Variants in INTS6 observed in about 807,000 individuals in gnomAD.
The protein encoded by INTS6 is DEAD box protein.
INTS6 carries 16 observed loss-of-function variants against 104.9 expected under a neutral mutation model. The ratio of observed to expected loss-of-function variants is 0.15; its 90% CI spans 0.10 to 0.23. The LOEUF is 0.23. INTS6 is among the 10% of genes least tolerant of loss of function. The pLI, the probability that INTS6 is intolerant of heterozygous loss-of-function variation, is 1.00. For missense variants in INTS6, 584 were observed against 1,062.8 expected (o/e 0.55, Z 6.26); for synonymous variants, 324 against 358.7 (o/e 0.90, Z 1.09).
At chr13:51,384,405 A>G (rs184336884) in intron 7 of INTS6, 2 of 284,992 alleles carry the variant, frequency 7.0e-6, no homozygotes, top group Admixed American at 9.4e-5. Flanking sequence ...AAATCTCACA[A>G]ATTGTGAACA....
At chr13:51,356,182 A>T (rs1392706547) in intron 3 of INTS6, among the ~76,000 whole-genome samples, 1 of 152,162 alleles carries the variant, frequency 6.6e-6, no homozygotes, top group Non-Finnish European at 1.5e-5. Context: ...ACGCAAAGAG[A>T]TAGCAAAGCA....
chr13:51,342,123 A>G, the INTS6 span, among the ~76,000 whole-genome samples: 1 of 147,502 alleles, frequency 6.8e-6, no homozygotes, highest in South Asian at 2.2e-4. Flanking sequence ...AGATACTCAC[A>G]CACATTAACA....
At chr13:51,341,271 C>A in the INTS6 span, 2 of 1,613,962 alleles carry the variant, frequency 1.2e-6, no homozygotes, top group Non-Finnish European at 8.5e-7. Flanking sequence ...TGTCCCTCCC[C>A]CTGGAGATCC....
chr13:51,390,532 A>G (rs1956227640), intron 5 of INTS6, among the ~76,000 whole-genome samples: 2 of 152,042 alleles, frequency 1.3e-5, no homozygotes, highest in South Asian at 4.1e-4. Flanking sequence ...ATCTTTGGCC[A>G]AATATTTTGC....
the INTS6 span, chr13:51,340,891 G>T: frequency 1.7e-6 from 1 of 604,368 alleles, no homozygotes; most frequent in Non-Finnish European, 2.9e-6. Context: ...AAACAAGAGG[G>T]TGCAGCTCTG....
downstream of INTS6, among the ~76,000 whole-genome samples, chr13:51,361,060 AT>A (rs1221851595): frequency 6.6e-6 from 1 of 152,054 alleles, no homozygotes; most frequent in Non-Finnish European, 1.5e-5. Flanking sequence ...TATATAACAA[AT>A]TAAAGTTTGG....
intron 2 of INTS6, 55 bp from the exon 3 acceptor site, chr13:51,451,229 G>C (rs1211706299): frequency 7.1e-6 from 10 of 1,403,784 alleles, no homozygotes; most frequent in Middle Eastern, 2.1e-4. Flanking sequence ...CATGTACACA[G>C]AGCCGTTATA....
At chr13:51,371,711 G>A (rs1159644381) in intron 15 of INTS6, among the ~76,000 whole-genome samples, 2 of 151,956 alleles carry the variant, frequency 1.3e-5, no homozygotes, top group African/African-American at 4.8e-5. Flanking sequence ...CTCTCCCACA[G>A]AGATTGTTAA....
intron 4 of INTS6, among the ~76,000 whole-genome samples, chr13:51,410,416 A>G (rs1956662841): frequency 6.6e-6 from 1 of 152,222 alleles, no homozygotes; most frequent in Non-Finnish European, 1.5e-5. Flanking sequence ...AAACAGCCAC[A>G]CAAAAACATG....
At chr13:51,422,252 T>C (rs1262685682) in intron 4 of INTS6, among the ~76,000 whole-genome samples, 1 of 152,050 alleles carries the variant, frequency 6.6e-6, no homozygotes, top group Non-Finnish European at 1.5e-5. Context: ...CTACCAAATA[T>C]CCACATAGAT....
rs189062653 is a variant in INTS6 at position 51,367,458 on chromosome 13, C to T, written c.2570+347G>A. The stretch of plus-strand genomic sequence containing the variant: ...TGTAAAAATAAATGACACTCAAGTA[C>T]GTTATTTTTAGTCACCAATATTAAT... On this transcript the variant is annotated intron_variant, in intron 17 of 17. Transcript: ENST00000311234. 3.8e-4 allele frequency among the ~76,000 whole-genome samples: 57 copies of T among 151,870 alleles called. 1 individual carries two copies. Among genetic ancestry groups the T allele is most frequent in the Middle Eastern group, 6.8e-3 (2 of 294 alleles).
chr13:51,403,092 ACATT>A (rs1182084577), intron 4 of INTS6, among the ~76,000 whole-genome samples: 2 of 152,110 alleles, frequency 1.3e-5, no homozygotes, highest in Non-Finnish European at 2.9e-5. Context: ...AAATTCTCAT[ACATT>A]ATTACTTATT....
At chr13:51,430,264 C>T (rs750258947) in intron 4 of INTS6, 30 bp downstream of exon 4, 1 of 1,560,314 alleles carries the variant, frequency 6.4e-7, no homozygotes, top group Non-Finnish European at 8.8e-7. Flanking sequence ...ACTGCATTTG[C>T]ATAATCCATG....
intron 16 of INTS6, 97 bp downstream of exon 16, chr13:51,368,842 G>A: frequency 8.2e-7 from 1 of 1,219,092 alleles, no homozygotes; most frequent in Non-Finnish European, 1.1e-6. Context: ...AGAATCATAT[G>A]TATTCTTTTA....
intron 4 of INTS6, 180 bp downstream of exon 4, chr13:51,430,114 G>C (rs1393030103): frequency 3.9e-6 from 2 of 514,642 alleles, no homozygotes; most frequent in South Asian, 3.3e-5. Context: ...TCACAGAAGA[G>C]ATTCTTATTC....
chr13:51,413,822 A>T (rs1956733408), intron 4 of INTS6, among the ~76,000 whole-genome samples: 1 of 152,146 alleles, frequency 6.6e-6, no homozygotes, highest in African/African-American at 2.4e-5. Context: ...TCAGGTCTGA[A>T]GCAAAAATGT....
chr13:51,366,024 G>A (rs1257382893), intron 17 of INTS6, among the ~76,000 whole-genome samples, 179 bp from the exon 18 acceptor site: 1 of 151,684 alleles, frequency 6.6e-6, no homozygotes, highest in East Asian at 1.9e-4. Context: ...TATTATCCTA[G>A]TACAGTATTA....
chr13:51,364,516 TA>T lies in INTS6; in HGVS notation c.*1235del. 1 of 421,184 alleles carries T rather than the reference TA, an allele frequency of 2.4e-6. No homozygotes were observed. Among genetic ancestry groups the T allele is most frequent in the South Asian group, 3.9e-5 (1 of 25,930 alleles). The allele number at this position is 421,184 out of a possible 1,614,324, so 26.1% of individuals were successfully genotyped here. ...TTCTACTGCTTACCCCCCAAACCAC[TA>T]AAAGGCACAGCAGTGATCATGAATG... is the stretch of plus-strand genomic sequence containing the variant. On this transcript the variant is annotated 3_prime_UTR_variant, in exon 18 of 18. Transcript: ENST00000311234.
chr13:51,340,741 C>T, the INTS6 span: 4 of 323,460 alleles, frequency 1.2e-5, no homozygotes, highest in Non-Finnish European at 2.3e-5. Context: ...TTACCTCTTA[C>T]ATTTCTTTTC....
Sources: gnomAD v4.1 joint callset for allele counts (sites outside exome capture counted in the v4.1 genomes callset) on GRCh38, gnomAD v4.1.1 for gene constraint, MANE v1.5 for transcripts, NCBI Gene and HGNC (gene_info 2026-07-23, HGNC 2026-07-21) for gene names.